Variants in GPR153 observed in about 807,000 individuals in gnomAD.
GPR153 encodes probable G protein-coupled receptor 153.
In GPR153, 27 loss-of-function variants were observed where a neutral mutation model predicts 34.1. The observed-to-expected ratio is 0.79, with a 90% confidence interval of 0.58 to 1.09. GPR153 has a LOEUF of 1.09. GPR153 is among the 50% of genes least tolerant of loss of function. GPR153 has a pLI of 0.00. For missense variants in GPR153, 848 were observed against 860.2 expected, an observed-to-expected ratio of 0.99 and a Z score of 0.18; for synonymous variants, 408 against 405.4, an observed-to-expected ratio of 1.01 and a Z score of -0.08.
intron 3 of GPR153, 107 bp downstream of exon 3, chr1:6,253,611 C>T (rs1638493990): frequency 1.3e-5 from 13 of 995,498 alleles, no homozygotes; most frequent in Non-Finnish European, 1.9e-5. Context: ...ATGATCAAGC[C>T]CATCTCAAAG....
intron 5 of GPR153, 39 bp from the exon 6 acceptor site, chr1:6,250,042 C>A: frequency 7.9e-7 from 1 of 1,258,032 alleles, no homozygotes; most frequent in Non-Finnish European, 1.0e-6. Context: ...GAGCTGCCCT[C>A]CTGGGAAACG....
intron 1 of GPR153, among the ~76,000 whole-genome samples, chr1:6,259,513 T>C (rs1389985565): frequency 7.1e-6 from 1 of 141,122 alleles, no homozygotes; most frequent in Non-Finnish European, 1.6e-5. Flanking sequence ...TTTTTTTTTG[T>C]CCCTAGAGCT....
chr1:6,260,107 G>A (rs969477355), intron 1 of GPR153, among the ~76,000 whole-genome samples: 7 of 152,182 alleles, frequency 4.6e-5, no homozygotes, highest in Non-Finnish European at 1.0e-4. Context: ...GCCGGGGCGT[G>A]ACGTCACAGC....
intron 1 of GPR153, among the ~76,000 whole-genome samples, chr1:6,257,615 CAT>C (rs1420492584): frequency 6.6e-6 from 1 of 152,274 alleles, no homozygotes; most frequent in Non-Finnish European, 1.5e-5. Context: ...TGGCCAGTCT[CAT>C]GCTCTGGTTG....
At chr1:6,260,376 T>TCCCCC (rs1258623746) in intron 1 of GPR153, among the ~76,000 whole-genome samples, 3 of 13,486 alleles carry the variant, frequency 2.2e-4, no homozygotes, top group African/African-American at 1.1e-3. Flanking sequence ...GGGGCTCCGA[T>TCCCCC]CCCCCCCCCC....
intron 3 of GPR153, among the ~76,000 whole-genome samples, chr1:6,253,166 C>T (rs1412489495): frequency 6.6e-6 from 1 of 152,116 alleles, no homozygotes. Context: ...CTGAGATGGG[C>T]AGATCACCTG....
chr1:6,254,114 T>C lies in GPR153; in HGVS notation c.390A>G (p.Thr130=). The C allele has an allele frequency of 6.2e-7, 1 of 1,612,628 alleles. No homozygotes were observed. Among genetic ancestry groups the C allele is most frequent in the Non-Finnish European group, 8.5e-7 (1 of 1,179,176 alleles). The change falls in exon 3 of 6, where the codon ACA becomes ACG. Residue 130 remains threonine (T), a synonymous_variant. Transcript: ENST00000377893. ...AGGACACCATCCAGATACCCATGAC[T>C]GTGTGCACCGCCTGCTTCTTGGCAT... ...LSNAKKQAVH[T]VMGIWMVSFI... is the part of the protein sequence containing the mutation.
chr1:6,255,387 C>T (rs1231648836), intron 1 of GPR153, among the ~76,000 whole-genome samples: 1 of 151,552 alleles, frequency 6.6e-6, no homozygotes, highest in Non-Finnish European at 1.5e-5. Flanking sequence ...TTAGTAGAGA[C>T]GGGGTTTCAC....
rs374907387 is a variant in GPR153, at chr1:6,254,126, C to G, written c.378G>C (p.Gln126His). Residue 126 changes from glutamine to histidine, a missense_variant, in exon 3 of 6, where the codon CAG (glutamine) becomes CAC (histidine). Physicochemically the swap from Gln to His is conservative, Grantham distance 24. Transcript: ENST00000377893. ...VNYRLSNAKKQAVHTVMGIWM... is the reference protein window; with the variant it reads ...VNYRLSNAKKHAVHTVMGIWM... ...AGATACCCATGACTGTGTGCACCGC[C>G]TGCTTCTTGGCATTGCTCAGCCTGG... 1.2e-4 allele frequency: 198 copies of G among 1,609,890 alleles called. 1 individual carries two copies. The highest frequency in any genetic ancestry group is 1.6e-4 in the Non-Finnish European group (192 of 1,176,978).
Position 6,251,352 on chromosome 1 carries a change from T to C in GPR153, c.965A>G (p.Glu322Gly). The C allele has an allele frequency of 2.5e-6, 4 of 1,607,200 alleles. No individual in the cohort carries two copies. Among genetic ancestry groups the C allele is most frequent in the Non-Finnish European group, 3.4e-6 (4 of 1,175,628 alleles). Reference sequence around the variant, plus strand: ...GCCATCCTCACCATCGTCTGACTCCTCGTCGTTGGCCATGAGGGCCATGCA... The same window carrying C: ...GCCATCCTCACCATCGTCTGACTCCCCGTCGTTGGCCATGAGGGCCATGCA... ...EKCMALMANDEESDDETSLEG... is the reference protein window; with the variant it reads ...EKCMALMANDGESDDETSLEG... Residue 322 changes from glutamate (E) to glycine (G), a missense_variant, in exon 4 of 6, where the codon GAG (glutamate) becomes GGG (glycine). Glu to Gly is a moderately conservative substitution (Grantham distance 98). Coordinates refer to ENST00000377893, the MANE Select transcript of GPR153 (RefSeq NM_207370.4). This position sits in a 1 kb window ranked among gnomAD's most constrained non-coding sequence, Gnocchi z 4.9.
intron 2 of GPR153, 47 bp downstream of exon 2, chr1:6,254,503 T>A: frequency 6.8e-7 from 1 of 1,471,468 alleles, no homozygotes; most frequent in South Asian, 1.3e-5. Flanking sequence ...GTCTTTGTTT[T>A]CACGCCTGCT....
Position 6,250,438 on chromosome 1 carries a change from A to T in GPR153, c.1164+2T>A. 6.3e-7 allele frequency: 1 copy of T among 1,588,120 alleles called. No homozygotes were observed. Among genetic ancestry groups the T allele is most frequent in the Non-Finnish European group, 8.6e-7 (1 of 1,167,376 alleles). ...CGGCCTCTCCCCCAGCCCTGCGCTC[A>T]CCTGCAGGTATTGCATCTTGTCCTC... On this transcript the variant is annotated splice_donor_variant, in intron 5 of 5. Transcript: ENST00000377893. LOFTEE classifies it high-confidence loss of function.
rs1638661799 is a variant in GPR153, at chr1:6,260,816, G to C, written c.-110+9C>G. 1 of 150,654 alleles carries C rather than the reference G, an allele frequency of 6.6e-6. No individual in the cohort carries two copies. The highest frequency in any genetic ancestry group is 1.5e-5 in the Non-Finnish European group (1 of 67,584). The allele number at this position is 150,654 out of a possible 1,614,324, so 9.3% of individuals were successfully genotyped here. On this transcript the variant is annotated intron_variant, in intron 1 of 5. Coordinates refer to ENST00000377893, the MANE Select transcript of GPR153 (RefSeq NM_207370.4). The stretch of plus-strand genomic sequence containing the variant: ...CCGTCCGCCCTCGGGCCAGGGCGGC[G>C]ACGCTCACCCTGCATTCGAGCGCCC...
At chr1:6,253,201 G>A (rs937866085) in intron 3 of GPR153, among the ~76,000 whole-genome samples, 6 of 152,086 alleles carry the variant, frequency 3.9e-5, no homozygotes, top group African/African-American at 1.4e-4. Flanking sequence ...AGACCAGCCT[G>A]ACTAACATGG....
In GPR153 at chr1:6,249,424, C is replaced by T; in HGVS notation, c.1744G>A (p.Gly582Ser). The change falls in exon 6 of 6, where the codon GGC becomes AGC. Residue 582 changes from glycine to serine, a missense_variant. Gly to Ser is a moderately conservative substitution (Grantham distance 56). Transcript: ENST00000377893. This position sits in a 1 kb window ranked among gnomAD's most constrained non-coding sequence, Gnocchi z 4.3. ...PGGLRAAGGG[G>S]STSSFLSSPS... ...GAACTCAGGAAGCTGCTGGTGCTGC[C>T]GCCGCCGCCCGCCGCGCGCAGCCCC... is the stretch of plus-strand genomic sequence containing the variant. 2 of 1,365,072 alleles carry T rather than the reference C, an allele frequency of 1.5e-6. No homozygotes were observed. The highest frequency in any genetic ancestry group is 1.9e-6 in the Non-Finnish European group (2 of 1,063,124). The allele number at this position is 1,365,072 out of a possible 1,614,324, so 84.6% of individuals were successfully genotyped here.
In GPR153 at chr1:6,253,823, G is replaced by A. The variant is rs1638501077; in HGVS notation, c.681C>T (p.Arg227=). 6.3e-7 allele frequency: 1 copy of A among 1,591,846 alleles called. No individual in the cohort carries two copies. The highest frequency in any genetic ancestry group is 2.2e-5 in the East Asian group (1 of 44,518). Residue 227 remains arginine, a synonymous_variant, in exon 3 of 6, where the codon CGC becomes CGT. Coordinates refer to ENST00000377893, the MANE Select transcript of GPR153 (RefSeq NM_207370.4). ...CGGGCTCCGAGCCATCGATGGAGGA[G>A]CGCCGCTTGCCCTGCGCGTCCTCCA... is the stretch of plus-strand genomic sequence containing the variant. ...IVVEDAQGKR[R]SSIDGSEPAK... is the part of the protein sequence containing the mutation.
At chr1:6,255,201 ATT>A (rs34855494) in intron 1 of GPR153, among the ~76,000 whole-genome samples, 187 bp from the exon 2 acceptor site, 140 of 141,852 alleles carry the variant, frequency 9.9e-4, no homozygotes, top group Non-Finnish European at 1.0e-3. Flanking sequence ...AGGTAAGACT[ATT>A]TTTTTTTTTT....
At position 6,248,785 on chromosome 1, in the gene GPR153, A is replaced by G. The variant is rs2100981710; in HGVS notation, c.*553T>C. ...TCACAGATGGGGAAACTGAGGCAGG[A>G]CAGGTCGGAAGCAGGGAAACCTGAT... On this transcript the variant is annotated 3_prime_UTR_variant, in exon 6 of 6. Coordinates refer to ENST00000377893, the MANE Select transcript of GPR153 (RefSeq NM_207370.4). 1 of 152,508 alleles carries G rather than the reference A, an allele frequency of 6.6e-6. No individual in the cohort carries two copies. The highest frequency in any genetic ancestry group is 1.9e-4 in the East Asian group (1 of 5,184). 9.4% of individuals were successfully genotyped at this position (152,508 alleles called of 1,614,324 possible). A position where few individuals can be genotyped will look rare whatever the true frequency, so the allele number is the denominator to read the frequency against.
intron 1 of GPR153, 26 bp from the exon 2 acceptor site, chr1:6,255,040 C>T (rs993287562): frequency 3.4e-6 from 2 of 585,458 alleles, no homozygotes; most frequent in Admixed American, 3.4e-5. Flanking sequence ...AGTGGGCACT[C>T]AGTGACTTCC....
Sources: gnomAD v4.1 joint callset for allele counts (sites outside exome capture counted in the v4.1 genomes callset) on GRCh38, gnomAD v4.1.1 for gene constraint, Gnocchi (gnomAD v3.1) non-coding constraint, MANE v1.5 for transcripts, NCBI Gene and HGNC (gene_info 2026-07-23, HGNC 2026-07-21) for gene names.